ROR2: variants seen among roughly 807,000 people sequenced by gnomAD.
The protein encoded by ROR2 is ROR family WNT receptor 2.
In ROR2, 33 loss-of-function variants were observed where a neutral mutation model predicts 74.9. The ratio of observed to expected loss-of-function variants is 0.44; its 90% confidence interval spans 0.33 to 0.59. ROR2 has a LOEUF of 0.59. Among genes scored for constraint, ROR2 ranks in the 20% least tolerant of loss-of-function variants. ROR2 has a pLI of 0.02. For synonymous variants in ROR2, 586 were observed against 558.7 expected, an observed-to-expected ratio of 1.05 and a Z score of -0.69; for missense variants, 1,216 against 1,313.8, an observed-to-expected ratio of 0.93 and a Z score of 1.15.
intron 1 of ROR2, among the ~76,000 whole-genome samples, chr9:91,860,054 G>A (rs565126581): frequency 3.3e-5 from 5 of 152,264 alleles, no homozygotes; most frequent in East Asian, 1.9e-4. Flanking sequence ...TTGGGGAGGC[G>A]AGTGGGGACC....
At chr9:91,847,916 C>T (rs1404370839) in intron 1 of ROR2, among the ~76,000 whole-genome samples, 2 of 152,338 alleles carry the variant, frequency 1.3e-5, no homozygotes, top group Admixed American at 6.5e-5. Flanking sequence ...TTCAGCAGAA[C>T]TCCTGGCTAG....
chr9:91,825,056 T>G (rs1828243368), intron 1 of ROR2, among the ~76,000 whole-genome samples: 1 of 152,176 alleles, frequency 6.6e-6, no homozygotes, highest in Admixed American at 6.5e-5. Flanking sequence ...TGGCCTTAAG[T>G]AAGCCAATGA....
At chr9:91,762,115 T>C (rs1056402892) in intron 2 of ROR2, among the ~76,000 whole-genome samples, 1 of 152,204 alleles carries the variant, frequency 6.6e-6, no homozygotes, top group African/African-American at 2.4e-5. Flanking sequence ...CCTCTTTCCT[T>C]GGCCAGTGAT....
At position 91,724,858 on chromosome 9, in the gene ROR2, C is replaced by T. The variant is rs1836960760; in HGVS notation, c.1636G>A (p.Asp546Asn). 1.2e-6 allele frequency: 2 copies of T among 1,601,940 alleles called. No individual in the cohort carries two copies. The highest frequency in any genetic ancestry group is 1.7e-6 in the Non-Finnish European group (2 of 1,172,256). ...CTGAAGATCATGCTCAGGGGCTGGTCCTTGGTCACCACGCCCAGCAGGCAG... is the reference window on the plus strand; with the variant it reads ...CTGAAGATCATGCTCAGGGGCTGGTTCTTGGTCACCACGCCCAGCAGGCAG... ...VVCLLGVVTK[D>N]QPLSMIFSYC... Residue 546 changes from aspartate (D) to asparagine (N), a missense_variant, in exon 9 of 9, where the codon GAC becomes AAC. Transcript: ENST00000375708.
At chr9:91,751,236 T>G (rs1825588901) in intron 4 of ROR2, among the ~76,000 whole-genome samples, 1 of 152,202 alleles carries the variant, frequency 6.6e-6, no homozygotes, top group African/African-American at 2.4e-5. Context: ...AAGTGGAAAC[T>G]GACTCACAGA....
rs1830785241 is a variant in ROR2 at position 91,905,249 on chromosome 9, C to A, written c.97+44618G>T. Reference sequence around the variant, plus strand: ...CTCAACACAAACACCACATACAACACATACACAAACATCACACACCACACA... The same window carrying A: ...CTCAACACAAACACCACATACAACAAATACACAAACATCACACACCACACA... On this transcript the variant is annotated intron_variant, in intron 1 of 8. Coordinates refer to ENST00000375708, the MANE Select transcript of ROR2 (RefSeq NM_004560.4). This position sits in a 1 kb window ranked among gnomAD's most constrained non-coding sequence, Gnocchi z 5.3. Among the ~76,000 whole-genome samples, 1 of 151,670 alleles carries A rather than the reference C, an allele frequency of 6.6e-6. No individual in the cohort carries two copies. The highest frequency in any genetic ancestry group is 6.6e-5 in the Admixed American group (1 of 15,244).
chr9:91,836,392 T>C (rs1437082760), intron 1 of ROR2, among the ~76,000 whole-genome samples: 1 of 151,882 alleles, frequency 6.6e-6, no homozygotes, highest in Admixed American at 6.6e-5. Flanking sequence ...ATACAAAAAT[T>C]AGCCAGTCGT....
At chr9:91,875,016 T>A (rs1196573450) in intron 1 of ROR2, among the ~76,000 whole-genome samples, 1 of 152,040 alleles carries the variant, frequency 6.6e-6, no homozygotes, top group Admixed American at 6.5e-5. Context: ...CTCAAAAAAT[T>A]GGTAAATTAA....
chr9:91,940,594 C>CTT (rs570738211), intron 1 of ROR2, among the ~76,000 whole-genome samples: 24 of 142,678 alleles, frequency 1.7e-4, no homozygotes, highest in Middle Eastern at 3.6e-3. Context: ...ACGTGCAATT[C>CTT]TTTTTTTTTT....
chr9:91,946,463 A>T (rs1426437108), intron 1 of ROR2, among the ~76,000 whole-genome samples: 1 of 152,216 alleles, frequency 6.6e-6, no homozygotes, highest in Non-Finnish European at 1.5e-5. Flanking sequence ...GTGGAAGAGG[A>T]GGAGGAGGGA....
chr9:91,914,698 G>C (rs1831082874), intron 1 of ROR2, among the ~76,000 whole-genome samples: 1 of 152,132 alleles, frequency 6.6e-6, no homozygotes, highest in Non-Finnish European at 1.5e-5. Context: ...TCAGAACCAG[G>C]ACCTGCAGTC....
chr9:91,768,787 A>G (rs1476709696), intron 2 of ROR2, among the ~76,000 whole-genome samples: 1 of 152,194 alleles, frequency 6.6e-6, no homozygotes, highest in African/African-American at 2.4e-5. Context: ...CGAATAACCA[A>G]CGGTGCACAC....
At chr9:91,857,833 C>T (rs773812883) in intron 1 of ROR2, among the ~76,000 whole-genome samples, 27 of 152,228 alleles carry the variant, frequency 1.8e-4, no homozygotes, top group Admixed American at 5.2e-4. Flanking sequence ...TTTCATTGAA[C>T]GGAGTATTTA....
intron 1 of ROR2, among the ~76,000 whole-genome samples, chr9:91,869,875 A>G (rs949143812): frequency 1.3e-5 from 2 of 152,236 alleles, no homozygotes; most frequent in Admixed American, 6.5e-5. Context: ...AAAAATAAGC[A>G]TTCATAAAAG....
intron 1 of ROR2, among the ~76,000 whole-genome samples, chr9:91,782,430 C>T (rs1826648588): frequency 6.6e-6 from 1 of 151,844 alleles, no homozygotes; most frequent in Admixed American, 6.6e-5. Context: ...AGAAAAGAAA[C>T]TGCATTATCC....
intron 1 of ROR2, among the ~76,000 whole-genome samples, chr9:91,938,501 A>C (rs989805276): frequency 6.6e-6 from 1 of 152,104 alleles, no homozygotes; most frequent in African/African-American, 2.4e-5. Flanking sequence ...GCACACCTGT[A>C]ATCTTAGCTA....
At chr9:91,877,078 C>A (rs1449054324) in intron 1 of ROR2, among the ~76,000 whole-genome samples, 1 of 152,200 alleles carries the variant, frequency 6.6e-6, no homozygotes, top group Admixed American at 6.5e-5. Flanking sequence ...TGGCAGTGAA[C>A]CGCTCAGAAG....
chr9:91,763,939 G>A (rs112684291), intron 2 of ROR2, among the ~76,000 whole-genome samples: 101 of 152,288 alleles, frequency 6.6e-4, no homozygotes, highest in African/African-American at 2.0e-3. Context: ...CCACATATGC[G>A]TAGTAAGAAT....
At chr9:91,784,364 G>A (rs1826724850) in intron 1 of ROR2, among the ~76,000 whole-genome samples, 1 of 152,234 alleles carries the variant, frequency 6.6e-6, no homozygotes, top group South Asian at 2.1e-4. Context: ...CCATGCAGCA[G>A]CCACAGGAAG....
Sources: allele counts gnomAD v4.1 joint callset (sites outside exome capture counted in the v4.1 genomes callset), GRCh38; gene constraint gnomAD v4.1.1; non-coding constraint Gnocchi (gnomAD v3.1); transcripts MANE v1.5; gene names NCBI Gene and HGNC (gene_info 2026-07-23, HGNC 2026-07-21).